IL17B: variants seen among roughly 807,000 people sequenced by gnomAD.
The protein encoded by IL17B is interleukin 17B.
IL17B carries 14 observed loss-of-function variants against 14.7 expected under a neutral mutation model. The ratio of observed to expected loss-of-function variants is 0.95; its 90% CI spans 0.63 to 1.49. The LOEUF (loss-of-function observed/expected upper bound fraction) is 1.49. IL17B is among the 40% of genes most tolerant of loss of function. The probability of loss-of-function intolerance (pLI) is 0.00; values close to 1 mark genes in which losing one functional copy is unlikely to be tolerated. For synonymous variants in IL17B, 105 were observed against 94.8 expected (o/e 1.11, Z -0.62); for missense variants, 233 against 252.8 (o/e 0.92, Z 0.53).
At position 149,374,422 on chromosome 5, in the gene IL17B, G is replaced by T. The variant is rs562575563; in HGVS notation, c.490C>A (p.Arg164Ser). The change falls in exon 3 of 3, where the codon CGC (arginine) becomes AGC (serine). Residue 164 changes from arginine (R) to serine (S), a missense_variant. Arg to Ser is a moderately radical substitution (Grantham distance 110, BLOSUM62 -1). Transcript: ENST00000261796. This position sits in a 1 kb window ranked among gnomAD's most constrained non-coding sequence, Gnocchi z 5.0. Reference protein sequence around the residue: ...CPPPPRTGPCRQRAVMETIAV... With the variant: ...CPPPPRTGPCSQRAVMETIAV... ...ATGGTCTCCATGACTGCGCGCTGGC[G>T]GCAAGGCCCTGTGCGGGGCGGTGGC... 2 of 1,605,972 alleles carry T rather than the reference G, an allele frequency of 1.2e-6. No individual in the cohort carries two copies. The highest frequency in any genetic ancestry group is 2.7e-5 in the African/African-American group (2 of 74,870).
chr5:149,386,015 A>C (rs1358051124), intron 1 of IL17B, among the ~76,000 whole-genome samples: 1 of 152,164 alleles, frequency 6.6e-6, no homozygotes, highest in African/African-American at 2.4e-5. Context: ...CTTCTTTTGC[A>C]GGTTGGGTTC....
intron 1 of IL17B, among the ~76,000 whole-genome samples, chr5:149,397,375 G>T (rs1042324157): frequency 5.3e-5 from 8 of 152,128 alleles, no homozygotes; most frequent in Middle Eastern, 3.2e-3. Flanking sequence ...TGCCATGTTG[G>T]CCAGGCTGGT....
chr5:149,374,863 A>T lies in IL17B; in HGVS notation c.312-263T>A. On this transcript the variant is annotated intron_variant, in intron 2 of 2. Coordinates refer to ENST00000261796, the MANE Select transcript of IL17B (RefSeq NM_014443.3). The surrounding 1 kb of genome is among the most constrained non-coding windows in gnomAD (Gnocchi z 5.0). ...CCTTCTTTCGTGCAGCCAGATGCCC[A>T]TCCCAGTACTAGGTTGCGCTGTGGG... 1 of 458,850 alleles carries T rather than the reference A, an allele frequency of 2.2e-6. No individual in the cohort carries two copies. Among genetic ancestry groups the T allele is most frequent in the Non-Finnish European group, 4.0e-6 (1 of 252,490 alleles). 28.4% of individuals were successfully genotyped at this position (458,850 alleles called of 1,614,324 possible). A position where few individuals can be genotyped will look rare whatever the true frequency, so the allele number is the denominator to read the frequency against.
intron 1 of IL17B, among the ~76,000 whole-genome samples, chr5:149,397,801 C>G (rs562809707): frequency 1.3e-5 from 2 of 152,136 alleles, no homozygotes; most frequent in African/African-American, 2.4e-5. Flanking sequence ...GCCCCAGGAC[C>G]CAGGGGCCAC....
intron 1 of IL17B, among the ~76,000 whole-genome samples, chr5:149,390,630 C>CACACACACACACAGAG (rs1491235916): frequency 1.6e-3 from 212 of 132,066 alleles, no homozygotes; most frequent in African/African-American, 2.6e-3. Context: ...CACACACACA[C>CACACACACACACAGAG]AGAGATACAC....
At chr5:149,388,734 C>T (rs751688701) in intron 1 of IL17B, among the ~76,000 whole-genome samples, 18 of 152,180 alleles carry the variant, frequency 1.2e-4, no homozygotes, top group African/African-American at 4.1e-4. Flanking sequence ...GGGCATGCTG[C>T]GCTTATCAGA....
At chr5:149,401,229 C>A (rs191789842) in intron 1 of IL17B, among the ~76,000 whole-genome samples, 32 of 152,330 alleles carry the variant, frequency 2.1e-4, no homozygotes, top group Middle Eastern at 3.4e-3. Context: ...GCTTCCGATT[C>A]CCTGTAGTAA....
intron 2 of IL17B, among the ~76,000 whole-genome samples, chr5:149,375,809 G>A (rs1014145295): frequency 1.3e-5 from 2 of 152,174 alleles, no homozygotes; most frequent in East Asian, 3.8e-4. Flanking sequence ...AGCCCAGGAG[G>A]CAGAGGCTGC....
upstream of IL17B, among the ~76,000 whole-genome samples, chr5:149,383,418 T>C (rs1032980884): frequency 3.3e-5 from 5 of 152,154 alleles, no homozygotes; most frequent in Admixed American, 2.0e-4. Context: ...ACCTGAAGGA[T>C]TTGGTCTAAG....
At chr5:149,385,320 A>T (rs1389968299) in intron 1 of IL17B, among the ~76,000 whole-genome samples, 1 of 151,934 alleles carries the variant, frequency 6.6e-6, no homozygotes, top group Non-Finnish European at 1.5e-5. Flanking sequence ...GTGCCATTGC[A>T]CTCTAGCCTG....
chr5:149,399,324 G>A (rs1260248525), intron 1 of IL17B, among the ~76,000 whole-genome samples: 1 of 152,204 alleles, frequency 6.6e-6, no homozygotes, highest in Non-Finnish European at 1.5e-5. Context: ...TGGGCCAAAA[G>A]CTTGGCCTCC....
intron 1 of IL17B, among the ~76,000 whole-genome samples, chr5:149,400,030 T>G (rs151327218): frequency 6.6e-5 from 10 of 152,154 alleles, no homozygotes; most frequent in Admixed American, 6.5e-4. Flanking sequence ...TCCACATCAG[T>G]GGTCCCTTAC....
chr5:149,377,075 G>T, intron 1 of IL17B, 50 bp from the exon 2 acceptor site: 5 of 1,467,244 alleles, frequency 3.4e-6, no homozygotes, highest in Non-Finnish European at 4.6e-6. Flanking sequence ...GTCTCTATCT[G>T]GGCCAAGACT....
At chr5:149,382,624 T>A (rs994621274), upstream of IL17B, among the ~76,000 whole-genome samples, 12 of 152,186 alleles carry the variant, frequency 7.9e-5, no homozygotes, top group African/African-American at 1.2e-4. Context: ...CACAGCAAGT[T>A]TGTCTGACTC....
At chr5:149,403,099 T>C (rs765005156) in intron 1 of IL17B, among the ~76,000 whole-genome samples, 1 of 138,614 alleles carries the variant, frequency 7.2e-6, no homozygotes, top group African/African-American at 2.8e-5. Flanking sequence ...TTTTGTTTTG[T>C]TTTGAGACAA....
rs116806294 is a variant in IL17B, at chr5:149,375,625, G to A, written c.312-1025C>T. 4.9e-3 allele frequency among the ~76,000 whole-genome samples: 752 copies of A among 152,310 alleles called. 4 individuals carry two copies. The highest frequency in any genetic ancestry group is 8.5e-3 in the Non-Finnish European group (576 of 68,030). ...AATCGGGCTGAGCATGGTGGCTTAC[G>A]CCTGTAATCTCAGCACTTTGCGAGG... On this transcript the variant is annotated intron_variant, in intron 2 of 2. Transcript: ENST00000261796.
intron 1 of IL17B, among the ~76,000 whole-genome samples, chr5:149,402,708 A>G (rs913639046): frequency 2.7e-5 from 4 of 150,918 alleles, no homozygotes; most frequent in Non-Finnish European, 5.9e-5. Context: ...AAAAAAAAAA[A>G]GAACAAAAAC....
At chr5:149,392,112 C>A (rs1172087032) in intron 1 of IL17B, among the ~76,000 whole-genome samples, 2 of 152,230 alleles carry the variant, frequency 1.3e-5, no homozygotes, top group African/African-American at 4.8e-5. Flanking sequence ...AGAGTAATAT[C>A]TATGAGAATC....
intron 1 of IL17B, among the ~76,000 whole-genome samples, chr5:149,402,065 G>A (rs1353970079): frequency 1.3e-5 from 2 of 152,204 alleles, no homozygotes; most frequent in Admixed American, 6.5e-5. Context: ...ATGCAGCCCA[G>A]CTGCTCTCTA....
Sources: gnomAD v4.1 joint callset for allele counts (sites outside exome capture counted in the v4.1 genomes callset) on GRCh38, gnomAD v4.1.1 for gene constraint, Gnocchi (gnomAD v3.1) non-coding constraint, MANE v1.5 for transcripts, NCBI Gene and HGNC (gene_info 2026-07-23, HGNC 2026-07-21) for gene names.